The following CHD1L variants were observed in gnomAD, a reference collection of about 807,000 sequenced individuals.
CHD1L encodes the protein chromodomain helicase DNA binding protein 1 like, also known as ATP-dependent chromatin remodeler CHD1L.
A neutral mutation model predicts 115.9 loss-of-function variants in CHD1L; 118 were observed. The ratio of observed to expected loss-of-function variants is 1.02; its 90% CI spans 0.88 to 1.19. CHD1L has a LOEUF of 1.19. CHD1L is among the 50% of genes most tolerant of loss of function. The pLI is 0.00. For missense variants in CHD1L, 1,179 were observed against 1,065.3 expected, an observed-to-expected ratio of 1.11 and a Z score of -1.49; for synonymous variants, 411 against 387.1, an observed-to-expected ratio of 1.06 and a Z score of -0.72.
intron 14 of CHD1L, among the ~76,000 whole-genome samples, chr1:147,276,562 TTAAAA>T (rs1224728244): frequency 1.3e-5 from 2 of 152,214 alleles, no homozygotes; most frequent in African/African-American, 2.4e-5. Flanking sequence ...AGAGAATTAG[TTAAAA>T]TAAAGAACTC....
intron 6 of CHD1L, among the ~76,000 whole-genome samples, chr1:147,261,478 G>T (rs1319743313): frequency 6.6e-6 from 1 of 151,438 alleles, no homozygotes; most frequent in Non-Finnish European, 1.5e-5. Flanking sequence ...CCTCTTAAAG[G>T]CGCTACCTCT....
chr1:147,178,206 G>T, the CHD1L span: 1 of 1,613,198 alleles, frequency 6.2e-7, no homozygotes. Context: ...TAGGACTCAG[G>T]GACGACAACT....
the CHD1L span, chr1:147,209,089 G>C: frequency 6.4e-7 from 1 of 1,573,312 alleles, no homozygotes; most frequent in African/African-American, 1.4e-5. Context: ...TTGTCACTCA[G>C]ATTCGTAAAC....
At chr1:147,212,058 A>G in the CHD1L span, among the ~76,000 whole-genome samples, 2 of 152,196 alleles carry the variant, frequency 1.3e-5, no homozygotes, top group Non-Finnish European at 2.9e-5. Context: ...ACTGCTTTCT[A>G]ACAACCTCTC....
the CHD1L span, chr1:147,179,066 G>A: frequency 1.9e-6 from 3 of 1,613,748 alleles, no homozygotes; most frequent in East Asian, 4.5e-5. Context: ...GGCTTGGAGA[G>A]CACTGCTGGA....
the CHD1L span, among the ~76,000 whole-genome samples, chr1:147,191,607 G>A: frequency 7.3e-5 from 11 of 151,712 alleles, no homozygotes; most frequent in African/African-American, 2.2e-4. Flanking sequence ...TGAGTAGGTT[G>A]TGAAAATTTT....
the CHD1L span, chr1:147,213,333 A>C: frequency 6.2e-7 from 1 of 1,611,210 alleles, no homozygotes; most frequent in South Asian, 1.1e-5. Flanking sequence ...GAGGTAGATG[A>C]GCATTGGTGT....
intron 2 of CHD1L, 51 bp downstream of exon 2, chr1:147,252,786 A>G (rs368734272): frequency 1.7e-4 from 231 of 1,397,042 alleles, no homozygotes; most frequent in South Asian, 1.4e-3. Flanking sequence ...ATACTTCCTT[A>G]TAACTCATTC....
At chr1:147,275,273 T>A (rs1396546873) in intron 12 of CHD1L, 81 bp from the exon 13 acceptor site, 1 of 993,290 alleles carries the variant, frequency 1.0e-6, no homozygotes. Context: ...TTTATCAGTC[T>A]GACCCACTCT....
At chr1:147,283,328 T>C (rs373273342) in intron 15 of CHD1L, among the ~76,000 whole-genome samples, 3 of 87,478 alleles carry the variant, frequency 3.4e-5, no homozygotes, top group Non-Finnish European at 8.8e-5. Flanking sequence ...GCTTTCATAC[T>C]CTCTAGGGAA....
the CHD1L span, among the ~76,000 whole-genome samples, chr1:147,207,254 T>C: frequency 6.6e-6 from 1 of 152,212 alleles, no homozygotes; most frequent in African/African-American, 2.4e-5. Context: ...ATGTATGCTC[T>C]ATATGTATGG....
chr1:147,282,054 G>T (rs1431854683), intron 15 of CHD1L, among the ~76,000 whole-genome samples: 1 of 152,146 alleles, frequency 6.6e-6, no homozygotes, highest in Middle Eastern at 3.2e-3. Flanking sequence ...TTCGTTTGGG[G>T]ATCTCTTGTT....
chr1:147,178,377 C>A, the CHD1L span: 3 of 1,611,788 alleles, frequency 1.9e-6, no homozygotes, highest in Admixed American at 1.7e-5. Flanking sequence ...GCACTGCCAA[C>A]ACTAACACCT....
the CHD1L span, among the ~76,000 whole-genome samples, chr1:147,183,843 A>G: frequency 6.6e-6 from 1 of 152,350 alleles, no homozygotes; most frequent in South Asian, 2.1e-4. Flanking sequence ...CAAAAGTAAC[A>G]GGCCCAGTAT....
At position 147,252,315 on chromosome 1, in the gene CHD1L, A is replaced by G. The variant is rs138168237; in HGVS notation, c.128-308A>G. Among the ~76,000 whole-genome samples the G allele has an allele frequency of 9.2e-5, 14 of 152,332 alleles. No individual in the cohort carries two copies. The East Asian group carries it at 2.3e-3, about 25-fold the overall frequency. ...AGTAATGCCTCATTTCCCAGAATGG[A>G]CACTGGTGTGAGTCTCAGGCAGTAT... is the stretch of plus-strand genomic sequence containing the variant. On this transcript the variant is annotated intron_variant, in intron 1 of 22. Coordinates refer to ENST00000369258, the MANE Select transcript of CHD1L (RefSeq NM_004284.6).
chr1:147,243,332 A>G (rs1342523942), intron 1 of CHD1L, among the ~76,000 whole-genome samples: 1 of 152,114 alleles, frequency 6.6e-6, no homozygotes, highest in Non-Finnish European at 1.5e-5. Context: ...GGATCGAGTT[A>G]CGTGCGGTAG....
chr1:147,228,810 T>C, the CHD1L span, among the ~76,000 whole-genome samples: 1 of 152,254 alleles, frequency 6.6e-6, no homozygotes, highest in Non-Finnish European at 1.5e-5. Flanking sequence ...ACATCTTCTT[T>C]TGAGAAGTGT....
In CHD1L at chr1:147,280,157, A is replaced by T. The variant is rs781942866; in HGVS notation, c.1671A>T (p.Ala557=). The T allele has an allele frequency of 6.2e-7, 1 of 1,611,408 alleles. No homozygotes were observed. Among genetic ancestry groups the T allele is most frequent in the South Asian group, 1.1e-5 (1 of 90,614 alleles). The change falls in exon 15 of 23, where the codon GCA becomes GCT. Residue 557 remains alanine (A), a synonymous_variant. Transcript: ENST00000369258. ...DGQWVSDALP[A]AEGGSRDQEE... Reference sequence around the variant, plus strand: ...AGTGGGTCTCTGATGCCTTGCCTGCAGCAGAAGGAGGGAGCAGAGATCAAG... The same window carrying T: ...AGTGGGTCTCTGATGCCTTGCCTGCTGCAGAAGGAGGGAGCAGAGATCAAG...
At chr1:147,212,453 TATA>T in the CHD1L span, 1 of 1,614,032 alleles carries the variant, frequency 6.2e-7, no homozygotes, top group Non-Finnish European at 8.5e-7. Flanking sequence ...CAATGCCAAT[TATA>T]ATGACTCTCT....
Sources: gnomAD v4.1 joint callset for allele counts (sites outside exome capture counted in the v4.1 genomes callset) on GRCh38, gnomAD v4.1.1 for gene constraint, MANE v1.5 for transcripts, NCBI Gene and HGNC (gene_info 2026-07-23, HGNC 2026-07-21) for gene names.